The following IGSF21 variants were observed in gnomAD, a reference collection of about 807,000 sequenced individuals.
IGSF21 encodes immunoglobulin superfamily member 21.
IGSF21 carries 28 observed loss-of-function variants against 46.8 expected under a neutral mutation model. That is an observed-to-expected ratio of 0.60 (90% CI 0.44 to 0.82). The LOEUF (loss-of-function observed/expected upper bound fraction) is 0.82, where lower values mean the gene tolerates loss of function less well. IGSF21 is among the 40% of genes least tolerant of loss of function. The probability of loss-of-function intolerance (pLI) is 0.00; values close to 1 mark genes in which losing one functional copy is unlikely to be tolerated. For synonymous variants in IGSF21, 284 were observed against 273.6 expected, an observed-to-expected ratio of 1.04 and a Z score of -0.38; for missense variants, 624 against 665.5, an observed-to-expected ratio of 0.94 and a Z score of 0.69.
At chr1:18,277,213 C>T (rs1487734150) in intron 2 of IGSF21, among the ~76,000 whole-genome samples, 1 of 152,228 alleles carries the variant, frequency 6.6e-6, no homozygotes, top group Non-Finnish European at 1.5e-5. Context: ...AGGCCCAGCT[C>T]CTGCCTCTTG....
At chr1:18,284,133 G>A (rs1434502186) in intron 2 of IGSF21, among the ~76,000 whole-genome samples, 2 of 152,252 alleles carry the variant, frequency 1.3e-5, no homozygotes, top group East Asian at 3.9e-4. Flanking sequence ...AGGACCTCAA[G>A]CAATAGACAA....
At chr1:18,135,475 T>C (rs2086360275) in intron 1 of IGSF21, among the ~76,000 whole-genome samples, 1 of 144,772 alleles carries the variant, frequency 6.9e-6, no homozygotes, top group Non-Finnish European at 1.5e-5. Context: ...TGTGTTCTCA[T>C]TGTTCAATTC....
rs138129135 is a variant in IGSF21, at chr1:18,120,960, C to G, written c.70+12762C>G. 8.5e-5 allele frequency among the ~76,000 whole-genome samples: 13 copies of G among 152,286 alleles called. No individual in the cohort carries two copies. The East Asian group carries it at 2.5e-3, about 29-fold the overall frequency. On this transcript the variant is annotated intron_variant, in intron 1 of 9. Transcript: ENST00000251296. ...TACTTCACCCCAGGGCTTACCTATT[C>G]GTCATTCCCCAGTCTATTTTCCACC...
intron 4 of IGSF21, among the ~76,000 whole-genome samples, chr1:18,358,882 C>T (rs903171517): frequency 6.6e-6 from 1 of 152,156 alleles, no homozygotes; most frequent in Non-Finnish European, 1.5e-5. Flanking sequence ...CCTGTACTAC[C>T]TCCCTTATTT....
chr1:18,332,025 T>C (rs2124603886), intron 3 of IGSF21, among the ~76,000 whole-genome samples: 1 of 152,298 alleles, frequency 6.6e-6, no homozygotes, highest in African/African-American at 2.4e-5. Context: ...AGTGAGAAGC[T>C]GCCTTTTTCA....
At chr1:18,278,981 C>A in intron 2 of IGSF21, 1 of 464,046 alleles carries the variant, frequency 2.2e-6, no homozygotes, top group South Asian at 1.6e-5. Context: ...AAACATGAAG[C>A]TATAGAACTA....
At chr1:18,166,972 G>C (rs986307245) in intron 1 of IGSF21, 8 of 153,370 alleles carry the variant, frequency 5.2e-5, no homozygotes, top group Non-Finnish European at 8.8e-5. Flanking sequence ...TTTCTGGTTT[G>C]AAAGTGGGAG....
At chr1:18,283,920 A>G (rs938761482) in intron 2 of IGSF21, among the ~76,000 whole-genome samples, 1 of 152,226 alleles carries the variant, frequency 6.6e-6, no homozygotes, top group Non-Finnish European at 1.5e-5. Context: ...AATGTTGAAA[A>G]GGAGTCTTCT....
chr1:18,225,103 A>T lies in IGSF21; in HGVS notation c.71-2795A>T, dbSNP rs1420127012. On this transcript the variant is annotated intron_variant, in intron 1 of 9. Coordinates refer to ENST00000251296, the MANE Select transcript of IGSF21 (RefSeq NM_032880.5). ...CTCTCTCTCACACACACACACACAC[A>T]CACACACACACACACACACACACAC... 6.2e-4 allele frequency among the ~76,000 whole-genome samples: 78 copies of T among 126,558 alleles called. 1 individual carries two copies. In the East Asian group the frequency reaches 6.4e-3, roughly 10 times the overall value. 83.0% of individuals were successfully genotyped at this position (126,558 alleles called of 152,430 possible).
intron 6 of IGSF21, among the ~76,000 whole-genome samples, chr1:18,368,945 C>T (rs190398947): frequency 6.6e-6 from 1 of 152,180 alleles, no homozygotes; most frequent in African/African-American, 2.4e-5. Context: ...ATCAACAGCA[C>T]CCCAAACCAC....
Position 18,273,532 on chromosome 1 carries a change from CT to C in IGSF21, c.184-18323del, listed in dbSNP as rs1356119016. Among the ~76,000 whole-genome samples the C allele has an allele frequency of 8.8e-3, 744 of 84,146 alleles. 42 individuals are homozygous for C. Among genetic ancestry groups the C allele is most frequent in the Middle Eastern group, 0.039 (7 of 178 alleles). The allele number at this position is 84,146 out of a possible 152,430, so 55.2% of individuals were successfully genotyped here. ...TCTTTCTTTCTTTCGTCTTTCTTTACTTTTTTTTTTTAACCACTCTGCCCAT... is the reference window on the plus strand; with the variant it reads ...TCTTTCTTTCTTTCGTCTTTCTTTACTTTTTTTTTTAACCACTCTGCCCAT... On this transcript the variant is annotated intron_variant, in intron 2 of 9. Coordinates refer to ENST00000251296, the MANE Select transcript of IGSF21 (RefSeq NM_032880.5).
intron 4 of IGSF21, among the ~76,000 whole-genome samples, chr1:18,346,700 G>C (rs546263874): frequency 3.9e-5 from 6 of 152,172 alleles, no homozygotes; most frequent in Non-Finnish European, 8.8e-5. Context: ...GGGTGGAGAG[G>C]CCAGGGCCTA....
intron 3 of IGSF21, among the ~76,000 whole-genome samples, chr1:18,307,275 A>G (rs2085436079): frequency 6.6e-6 from 1 of 152,014 alleles, no homozygotes; most frequent in Non-Finnish European, 1.5e-5. Flanking sequence ...GAACACTTTA[A>G]TTTAACTTCC....
chr1:18,377,250 T>C (rs1384606017), intron 8 of IGSF21, 143 bp from the exon 9 acceptor site: 2 of 870,052 alleles, frequency 2.3e-6, no homozygotes, highest in East Asian at 2.4e-5. Context: ...GGGCTGATAC[T>C]ATCCAGCTCC....
chr1:18,372,352 A>G (rs2086232755), intron 6 of IGSF21, among the ~76,000 whole-genome samples: 1 of 152,250 alleles, frequency 6.6e-6, no homozygotes, highest in Non-Finnish European at 1.5e-5. Context: ...GTGACCGGGA[A>G]TAGTGACCAC....
intron 1 of IGSF21, among the ~76,000 whole-genome samples, chr1:18,174,340 T>C (rs2086773718): frequency 6.6e-6 from 1 of 152,198 alleles, no homozygotes; most frequent in African/African-American, 2.4e-5. Context: ...TCTTCACAGA[T>C]GGGCAGTTCT....
chr1:18,252,151 T>C (rs937362633), intron 2 of IGSF21, among the ~76,000 whole-genome samples: 4 of 141,460 alleles, frequency 2.8e-5, no homozygotes, highest in African/African-American at 1.0e-4. Context: ...CCTGGGTCCA[T>C]GCCATTCTCC....
intron 2 of IGSF21, among the ~76,000 whole-genome samples, chr1:18,261,492 C>T (rs384967): frequency 0.14 from 21,233 of 152,246 alleles, 1,564 homozygotes; most frequent in Middle Eastern, 0.22. Context: ...GTGGCAATGA[C>T]CTGATGACCT....
intron 3 of IGSF21, among the ~76,000 whole-genome samples, chr1:18,303,572 G>A (rs1264404949): frequency 6.6e-6 from 1 of 152,180 alleles, no homozygotes; most frequent in Non-Finnish European, 1.5e-5. Context: ...CACCCTGGGG[G>A]GAGTAATGGG....
Sources: allele counts gnomAD v4.1 joint callset (sites outside exome capture counted in the v4.1 genomes callset), GRCh38; gene constraint gnomAD v4.1.1; transcripts MANE v1.5; gene names NCBI Gene and HGNC (gene_info 2026-07-23, HGNC 2026-07-21).